The following NME7 variants were observed in gnomAD, a reference collection of about 807,000 sequenced individuals.
NME7 encodes the protein nucleoside diphosphate kinase 7.
A neutral mutation model predicts 49.1 loss-of-function variants in NME7; 41 were observed. That is an observed-to-expected ratio of 0.83 (90% CI 0.65 to 1.08). The LOEUF (loss-of-function observed/expected upper bound fraction) is 1.08, where lower values mean the gene tolerates loss of function less well. Among genes scored for constraint, NME7 ranks in the 50% least tolerant of loss-of-function variants. The pLI is 0.00. For synonymous variants in NME7, 139 were observed against 150.6 expected, an observed-to-expected ratio of 0.92 and a Z score of 0.56; for missense variants, 423 against 463.4, an observed-to-expected ratio of 0.91 and a Z score of 0.80.
chr1:169,233,427 TAGGAGCTG>T (rs1647724911), intron 9 of NME7, among the ~76,000 whole-genome samples: 1 of 152,122 alleles, frequency 6.6e-6, no homozygotes, highest in Non-Finnish European at 1.5e-5. Flanking sequence ...GCTTAGAGGC[TAGGAGCTG>T]AGTGAGACTA....
intron 11 of NME7, among the ~76,000 whole-genome samples, chr1:169,140,807 G>C (rs1333761196): frequency 6.6e-6 from 1 of 151,842 alleles, no homozygotes; most frequent in Non-Finnish European, 1.5e-5. Context: ...TTTCAACTTG[G>C]TTGTACATCA....
At chr1:169,361,446 A>G (rs1412938777) in intron 1 of NME7, among the ~76,000 whole-genome samples, 1 of 152,194 alleles carries the variant, frequency 6.6e-6, no homozygotes, top group African/African-American at 2.4e-5. Context: ...ATTCTTCCAA[A>G]TCAGCAATTC....
intron 10 of NME7, among the ~76,000 whole-genome samples, chr1:169,210,194 T>C (rs1660771455): frequency 6.6e-6 from 1 of 152,136 alleles, no homozygotes; most frequent in Non-Finnish European, 1.5e-5. Flanking sequence ...TCCCTTAAAG[T>C]GAAATTTATT....
intron 3 of NME7, among the ~76,000 whole-genome samples, chr1:169,313,991 G>A (rs1477679442): frequency 6.6e-6 from 1 of 152,000 alleles, no homozygotes; most frequent in African/African-American, 2.4e-5. Flanking sequence ...ATGAAGCACA[G>A]AGAAACAAAA....
At chr1:169,362,485 A>T (rs1653696541) in intron 1 of NME7, among the ~76,000 whole-genome samples, 1 of 152,244 alleles carries the variant, frequency 6.6e-6, no homozygotes, top group Admixed American at 6.5e-5. Flanking sequence ...AATGAGGTGT[A>T]TGAGAAACAT....
intron 10 of NME7, among the ~76,000 whole-genome samples, chr1:169,183,846 T>C (rs1557977844): frequency 6.6e-6 from 1 of 152,102 alleles, no homozygotes. Flanking sequence ...GTACAGATTA[T>C]ACTGTATTAT....
intron 10 of NME7, among the ~76,000 whole-genome samples, chr1:169,216,247 A>T (rs896636441): frequency 2.0e-5 from 3 of 152,232 alleles, no homozygotes; most frequent in Non-Finnish European, 4.4e-5. Context: ...GTTCACCAGA[A>T]AGATCAATGT....
chr1:169,334,231 T>C (rs1652372603), intron 1 of NME7, among the ~76,000 whole-genome samples: 1 of 152,198 alleles, frequency 6.6e-6, no homozygotes, highest in South Asian at 2.1e-4. Context: ...ATGTAGATGA[T>C]AAAGGTTACA....
intron 7 of NME7, among the ~76,000 whole-genome samples, chr1:169,255,934 C>T (rs1228129366): frequency 7.5e-6 from 1 of 133,732 alleles, no homozygotes; most frequent in Non-Finnish European, 1.8e-5. Flanking sequence ...GAGAGATCCA[C>T]TGTTAGTCTG....
chr1:169,288,639 AATT>A, intron 6 of NME7, among the ~76,000 whole-genome samples: 1 of 152,154 alleles, frequency 6.6e-6, no homozygotes, highest in Non-Finnish European at 1.5e-5. Context: ...GATGATGAGG[AATT>A]ATTCAAATAG....
intron 1 of NME7, among the ~76,000 whole-genome samples, chr1:169,325,405 C>T (rs1267828751): frequency 6.6e-6 from 1 of 151,992 alleles, no homozygotes; most frequent in Non-Finnish European, 1.5e-5. Context: ...AGCTGGGACC[C>T]TTGGTCACTT....
intron 11 of NME7, among the ~76,000 whole-genome samples, chr1:169,154,725 G>A: frequency 6.6e-6 from 1 of 151,646 alleles, no homozygotes; most frequent in Non-Finnish European, 1.5e-5. Context: ...TTGAACCCGG[G>A]AAGTGGAGGT....
Position 169,252,700 on chromosome 1 carries a change from A to C in NME7, c.755-15013T>G, listed in dbSNP as rs554845495. On this transcript the variant is annotated intron_variant, in intron 7 of 11. Coordinates refer to ENST00000367811, the MANE Select transcript of NME7 (RefSeq NM_013330.5). ...TAGGGTTTTTATGGTTTTAGGTCTA[A>C]CGTTTAAGTCTTTAATCCATCTTGA... Among the ~76,000 whole-genome samples, 6 of 151,688 alleles carry C rather than the reference A, an allele frequency of 4.0e-5. No individual in the cohort carries two copies. In the South Asian group the frequency reaches 8.4e-4, roughly 21 times the overall value.
At chr1:169,279,505 T>C (rs1161751934) in intron 7 of NME7, among the ~76,000 whole-genome samples, 1 of 152,206 alleles carries the variant, frequency 6.6e-6, no homozygotes, top group Non-Finnish European at 1.5e-5. Context: ...GTGCGGGATA[T>C]GACCTTCTGG....
rs1659136460 is a variant in NME7, at chr1:169,158,174, G to T, written c.1098+11273C>A. Among the ~76,000 whole-genome samples, 2 of 152,282 alleles carry T rather than the reference G, an allele frequency of 1.3e-5. 1 individual carries two copies. The highest frequency in any genetic ancestry group is 6.8e-3 in the Middle Eastern group (2 of 294). The stretch of plus-strand genomic sequence containing the variant: ...GTGCCCCCTTATAAGTGGGGAATAT[G>T]TTCCAGTTCCCCCAGTGGATGCCTG... On this transcript the variant is annotated intron_variant, in intron 11 of 11. Transcript: ENST00000367811.
chr1:169,205,665 A>C (rs1273902188), intron 10 of NME7, among the ~76,000 whole-genome samples: 1 of 152,064 alleles, frequency 6.6e-6, no homozygotes, highest in African/African-American at 2.4e-5. Context: ...GGCATTCATT[A>C]TTCATTCTTC....
chr1:169,186,393 G>A (rs1188879134), intron 10 of NME7, among the ~76,000 whole-genome samples: 1 of 152,128 alleles, frequency 6.6e-6, no homozygotes, highest in Non-Finnish European at 1.5e-5. Context: ...GTTTGACTAT[G>A]TACAATATAT....
intron 1 of NME7, among the ~76,000 whole-genome samples, chr1:169,354,810 T>A (rs34095348): frequency 0.074 from 10,024 of 136,370 alleles, 1,433 homozygotes; most frequent in East Asian, 0.67. Flanking sequence ...TTATATATAA[T>A]AGATATAATA....
intron 7 of NME7, among the ~76,000 whole-genome samples, chr1:169,267,263 C>G (rs897331739): frequency 6.0e-5 from 8 of 132,596 alleles, no homozygotes; most frequent in African/African-American, 2.0e-4. Context: ...TCAAAGAAAT[C>G]AGAGATAACA....
Sources: allele counts gnomAD v4.1 joint callset (sites outside exome capture counted in the v4.1 genomes callset), GRCh38; gene constraint gnomAD v4.1.1; transcripts MANE v1.5; gene names NCBI Gene and HGNC (gene_info 2026-07-23, HGNC 2026-07-21).